The following DOCK4 variants were observed in gnomAD, a reference collection of about 807,000 sequenced individuals.
DOCK4 encodes the protein dedicator of cytokinesis 4.
Under a neutral mutation model 268.1 loss-of-function variants are expected in DOCK4, and 97 were observed. The ratio of observed to expected loss-of-function variants is 0.36; its 90% confidence interval spans 0.31 to 0.43. DOCK4 has a LOEUF of 0.43. DOCK4 is among the 20% of genes least tolerant of loss of function. The probability of loss-of-function intolerance (pLI) is 1.00; values close to 1 mark genes in which losing one functional copy is unlikely to be tolerated. For missense variants in DOCK4, 2,145 were observed against 2,455.7 expected (o/e 0.87, Z 2.67); for synonymous variants, 954 against 887.2 (o/e 1.08, Z -1.34).
At chr7:112,107,212 G>A (rs2523019) in intron 1 of DOCK4, among the ~76,000 whole-genome samples, 3,986 of 152,262 alleles carry the variant, frequency 0.026, 188 homozygotes, top group African/African-American at 0.091. Context: ...CCACTATTAT[G>A]GGCTGGCTTG....
intron 1 of DOCK4, among the ~76,000 whole-genome samples, chr7:112,042,509 G>A (rs189522058): frequency 6.6e-6 from 1 of 152,246 alleles, no homozygotes; most frequent in African/African-American, 2.4e-5. Context: ...ACTAACACAT[G>A]CTGAGTAGAA....
intron 23 of DOCK4, among the ~76,000 whole-genome samples, chr7:111,853,657 T>C (rs1297590703): frequency 1.3e-5 from 2 of 152,140 alleles, no homozygotes; most frequent in Non-Finnish European, 2.9e-5. Context: ...CTACGGATGA[T>C]CCCTGTATTA....
At chr7:112,043,857 C>A (rs188606050) in intron 1 of DOCK4, among the ~76,000 whole-genome samples, 42 of 152,098 alleles carry the variant, frequency 2.8e-4, no homozygotes, top group African/African-American at 9.4e-4. Context: ...AATTGGAAGA[C>A]TTTATTATTT....
intron 27 of DOCK4, chr7:111,819,886 T>C (rs1358600769): frequency 6.6e-6 from 1 of 152,176 alleles, no homozygotes; most frequent in African/African-American, 2.4e-5. Context: ...AAGTTGAAAC[T>C]ATGGAAGAAA....
intron 27 of DOCK4, among the ~76,000 whole-genome samples, chr7:111,814,171 G>C (rs1219493648): frequency 6.6e-6 from 1 of 152,108 alleles, no homozygotes; most frequent in Non-Finnish European, 1.5e-5. Flanking sequence ...AATCTTCCAA[G>C]GGAGAGAGAA....
At chr7:111,852,612 G>T (rs1804674687) in intron 23 of DOCK4, among the ~76,000 whole-genome samples, 1 of 152,130 alleles carries the variant, frequency 6.6e-6, no homozygotes, top group Non-Finnish European at 1.5e-5. Flanking sequence ...CAGCTAGGGG[G>T]ATTTGATTTC....
At chr7:111,857,870 T>A (rs551171999) in intron 23 of DOCK4, among the ~76,000 whole-genome samples, 1 of 152,356 alleles carries the variant, frequency 6.6e-6, no homozygotes, top group African/African-American at 2.4e-5. Flanking sequence ...CTTCTATTCA[T>A]GGCCTTCAGC....
At chr7:112,177,281 C>T (rs1054097486) in intron 1 of DOCK4, among the ~76,000 whole-genome samples, 1 of 152,164 alleles carries the variant, frequency 6.6e-6, no homozygotes, top group African/African-American at 2.4e-5. Context: ...GGCAAGTAAC[C>T]TTTCTAAATC....
At chr7:111,729,730 A>C (rs1436295884) in intron 52 of DOCK4, among the ~76,000 whole-genome samples, 1 of 152,176 alleles carries the variant, frequency 6.6e-6, no homozygotes, top group African/African-American at 2.4e-5. Context: ...GCCGCTGAGC[A>C]CACTCAGCTC....
At chr7:111,834,430 T>C (rs1050840524) in intron 26 of DOCK4, among the ~76,000 whole-genome samples, 158 bp downstream of exon 26, 1 of 152,100 alleles carries the variant, frequency 6.6e-6, no homozygotes, top group Non-Finnish European at 1.5e-5. Flanking sequence ...TAAAAGCCAA[T>C]ATAGATGAGC....
intron 12 of DOCK4, among the ~76,000 whole-genome samples, chr7:111,930,326 G>A (rs1029156390): frequency 1.3e-5 from 2 of 152,264 alleles, no homozygotes; most frequent in East Asian, 3.9e-4. Flanking sequence ...TAAGTCTTAG[G>A]TTAGAGGGGA....
At chr7:112,183,885 A>G (rs1819263710) in intron 1 of DOCK4, among the ~76,000 whole-genome samples, 2 of 152,104 alleles carry the variant, frequency 1.3e-5, no homozygotes, top group African/African-American at 2.4e-5. Flanking sequence ...TTTATCCAGG[A>G]ATACCCTCTC....
At chr7:112,053,707 C>A (rs898821379) in intron 1 of DOCK4, among the ~76,000 whole-genome samples, 5 of 152,116 alleles carry the variant, frequency 3.3e-5, no homozygotes, top group Non-Finnish European at 7.3e-5. Flanking sequence ...ATTACCAGAC[C>A]TTTCAAAACC....
At chr7:112,115,054 G>T (rs1272009443) in intron 1 of DOCK4, among the ~76,000 whole-genome samples, 1 of 152,020 alleles carries the variant, frequency 6.6e-6, no homozygotes, top group Non-Finnish European at 1.5e-5. Context: ...TTTATTTCTG[G>T]CTTACCCTAA....
chr7:111,926,114 A>G (rs376085126), intron 12 of DOCK4, among the ~76,000 whole-genome samples: 9,412 of 126,406 alleles, frequency 0.074, 368 homozygotes, highest in South Asian at 0.1. Context: ...GAGAGAGAGA[A>G]AGAGAAAAAG....
intron 27 of DOCK4, among the ~76,000 whole-genome samples, chr7:111,814,784 G>A (rs1462691284): frequency 6.6e-6 from 1 of 152,166 alleles, no homozygotes; most frequent in Non-Finnish European, 1.5e-5. Flanking sequence ...TATCAGGGCT[G>A]CCTTACCATT....
intron 27 of DOCK4, among the ~76,000 whole-genome samples, chr7:111,815,181 T>C (rs148697258): frequency 4.4e-4 from 67 of 152,320 alleles, no homozygotes; most frequent in African/African-American, 1.5e-3. Context: ...TAGTGCTTGA[T>C]AGGATGAGGA....
chr7:112,094,571 A>G (rs1250618370), intron 1 of DOCK4, among the ~76,000 whole-genome samples: 1 of 152,230 alleles, frequency 6.6e-6, no homozygotes, highest in African/African-American at 2.4e-5. Flanking sequence ...GGATAAGAAA[A>G]TTTAATTATA....
chr7:111,760,408 T>C, intron 39 of DOCK4, 86 bp from the exon 40 acceptor site: 1 of 1,370,596 alleles, frequency 7.3e-7, no homozygotes, highest in Non-Finnish European at 1.0e-6. Flanking sequence ...TGGCAGTAAC[T>C]GACCACATGC....
Sources: gnomAD v4.1 joint callset for allele counts (sites outside exome capture counted in the v4.1 genomes callset) on GRCh38, gnomAD v4.1.1 for gene constraint, MANE v1.5 for transcripts, NCBI Gene and HGNC (gene_info 2026-07-23, HGNC 2026-07-21) for gene names.